The following BAZ1B variants were observed in gnomAD, a reference collection of about 807,000 sequenced individuals.
BAZ1B encodes the protein bromodomain adjacent to zinc finger domain 1B.
In BAZ1B, 22 loss-of-function variants were observed where a neutral mutation model predicts 153.8. That is an observed-to-expected ratio of 0.14 (90% CI 0.10 to 0.20). The LOEUF is 0.20. Among genes scored for constraint, BAZ1B ranks in the 10% least tolerant of loss-of-function variants. The pLI is 1.00. For missense variants in BAZ1B, 1,325 were observed against 1,799.3 expected (o/e 0.74, Z 4.77); for synonymous variants, 676 against 633.4 (o/e 1.07, Z -1.01).
intron 6 of BAZ1B, among the ~76,000 whole-genome samples, chr7:73,481,473 C>T (rs969745946): frequency 3.4e-5 from 5 of 147,540 alleles, no homozygotes; most frequent in Non-Finnish European, 7.5e-5. Flanking sequence ...GCCGAGATGG[C>T]GCCACTGCAC....
At position 73,504,911 on chromosome 7, in the gene BAZ1B, G is replaced by A. The variant is rs1388568566; in HGVS notation, c.369+3416C>T. On this transcript the variant is annotated intron_variant, in intron 3 of 19. Transcript: ENST00000339594. The stretch of plus-strand genomic sequence containing the variant: ...AAAAGAACTAGCTAGGAGATAGAAA[G>A]GAGTCAGAGTAAATTATTGAAACAA... Among the ~76,000 whole-genome samples the A allele has an allele frequency of 3.9e-5, 6 of 152,248 alleles. No homozygotes were observed. The East Asian group carries it at 9.7e-4, about 25-fold the overall frequency.
chr7:73,512,802 A>G (rs1790642063), intron 1 of BAZ1B, among the ~76,000 whole-genome samples: 1 of 152,222 alleles, frequency 6.6e-6, no homozygotes, highest in African/African-American at 2.4e-5. Context: ...TTTCCTCTAC[A>G]ATACTATCTA....
chr7:73,472,541 G>A (rs1554572153), intron 7 of BAZ1B, among the ~76,000 whole-genome samples: 1 of 152,208 alleles, frequency 6.6e-6, no homozygotes, highest in East Asian at 1.9e-4. Flanking sequence ...TGTAGGTGTT[G>A]AGCCACTGCG....
At chr7:73,508,674 T>C (rs183316160) in intron 2 of BAZ1B, among the ~76,000 whole-genome samples, 1 of 152,292 alleles carries the variant, frequency 6.6e-6, no homozygotes, top group African/African-American at 2.4e-5. Flanking sequence ...ACCTCTCAGG[T>C]AGCTGGGACC....
rs540336082 is a variant in BAZ1B at position 73,447,090 on chromosome 7, C to T, written c.3844+174G>A. Among the ~76,000 whole-genome samples the T allele has an allele frequency of 1.1e-4, 16 of 152,282 alleles. No homozygotes were observed. In the South Asian group the frequency reaches 2.1e-3, roughly 20 times the overall value. Reference sequence around the variant, plus strand: ...CTCTCCCACCAGGCAGGAAGTTAAACGCCATCTTGGAAACCCATTTAAACC... The same window carrying T: ...CTCTCCCACCAGGCAGGAAGTTAAATGCCATCTTGGAAACCCATTTAAACC... On this transcript the variant is annotated intron_variant, in intron 16 of 19. Coordinates refer to ENST00000339594, the MANE Select transcript of BAZ1B (RefSeq NM_032408.4).
intron 13 of BAZ1B, among the ~76,000 whole-genome samples, chr7:73,453,873 G>T (rs1554568994): frequency 6.6e-6 from 1 of 152,074 alleles, no homozygotes; most frequent in Non-Finnish European, 1.5e-5. Flanking sequence ...CAGTTACTTG[G>T]GAGGCTGAAG....
In BAZ1B at chr7:73,477,876, G is replaced by A. The variant is rs371097658; in HGVS notation, c.1585C>T (p.Leu529=). 3.1e-6 allele frequency: 5 copies of A among 1,613,912 alleles called. No homozygotes were observed. Among genetic ancestry groups the A allele is most frequent in the Non-Finnish European group, 4.2e-6 (5 of 1,180,028 alleles). The change falls in exon 7 of 20, where the codon CTA becomes TTA. Residue 529 remains leucine (L), a synonymous_variant. Coordinates refer to ENST00000339594, the MANE Select transcript of BAZ1B (RefSeq NM_032408.4). This position sits in a 1 kb window ranked among gnomAD's most constrained non-coding sequence, Gnocchi z 5.6. The part of the protein sequence containing the change: ...RSLVQKRYEL[L]EHKKRWASMS... ...GAAGCCCACCTCTTTTTGTGCTCTA[G>A]AAGTTCATAGCGTTTTTGAACAAGA...
At chr7:73,481,960 AC>A (rs1411671838) in intron 6 of BAZ1B, among the ~76,000 whole-genome samples, 15 of 151,964 alleles carry the variant, frequency 9.9e-5, no homozygotes, top group African/African-American at 4.8e-5. Flanking sequence ...AATGGCGTGA[AC>A]CCGGGAGGCG....
intron 4 of BAZ1B, among the ~76,000 whole-genome samples, chr7:73,496,142 G>A (rs184244816): frequency 6.6e-6 from 1 of 152,268 alleles, no homozygotes; most frequent in East Asian, 1.9e-4. Context: ...GCAGAAGTAA[G>A]ACCACAATAA....
chr7:73,518,731 C>CA (rs1554579719), intron 1 of BAZ1B, among the ~76,000 whole-genome samples: 1 of 152,190 alleles, frequency 6.6e-6, no homozygotes, highest in Non-Finnish European at 1.5e-5. Context: ...AAAACAAAAA[C>CA]ATGCTCTAGT....
intron 3 of BAZ1B, among the ~76,000 whole-genome samples, chr7:73,500,891 A>G (rs1484863296): frequency 1.6e-5 from 2 of 126,730 alleles, no homozygotes; most frequent in African/African-American, 5.9e-5. Context: ...CTCTGTTTAT[A>G]AAAAAAAAAA....
chr7:73,476,908 T>C lies in BAZ1B; in HGVS notation c.2553A>G (p.Gln851=). 1 of 1,608,330 alleles carries C rather than the reference T, an allele frequency of 6.2e-7. No individual in the cohort carries two copies. Among genetic ancestry groups the C allele is most frequent in the South Asian group, 1.1e-5 (1 of 89,158 alleles). Residue 851 remains glutamine, a synonymous_variant, in exon 7 of 20, where the codon CAA becomes CAG. Transcript: ENST00000339594. ...AVKSRRLLAI[Q]AKKEREIQER... ...CCTGGATTTCCCGTTCCTTCTTAGC[T>C]TGAATGGCAAGCAACCTTCTGCTCT... is the stretch of plus-strand genomic sequence containing the variant.
At chr7:73,468,712 T>C (rs2116309113) in intron 9 of BAZ1B, among the ~76,000 whole-genome samples, 1 of 152,338 alleles carries the variant, frequency 6.6e-6, no homozygotes, top group South Asian at 2.1e-4. Context: ...GTATTTGCCA[T>C]GTTTCTCCTC....
At chr7:73,482,559 G>A (rs1326866698) in intron 6 of BAZ1B, among the ~76,000 whole-genome samples, 3 of 152,056 alleles carry the variant, frequency 2.0e-5, no homozygotes, top group South Asian at 2.1e-4. Flanking sequence ...ATTTTAAATA[G>A]GTATGTTTTA....
chr7:73,483,932 G>A (rs1335245721), intron 6 of BAZ1B, among the ~76,000 whole-genome samples: 2 of 152,062 alleles, frequency 1.3e-5, no homozygotes, highest in South Asian at 2.1e-4. Flanking sequence ...GAGCCACTAC[G>A]CCCAGCCATA....
chr7:73,502,937 T>C (rs1298709390), intron 3 of BAZ1B, among the ~76,000 whole-genome samples: 1 of 152,240 alleles, frequency 6.6e-6, no homozygotes, highest in Non-Finnish European at 1.5e-5. Flanking sequence ...TGTATTCTTC[T>C]GCGACTTCTT....
chr7:73,462,126 A>G (rs1286190202), intron 12 of BAZ1B, among the ~76,000 whole-genome samples: 2 of 152,230 alleles, frequency 1.3e-5, no homozygotes, highest in Non-Finnish European at 2.9e-5. Context: ...AGTCCCAGCT[A>G]CCTGGAAACC....
At chr7:73,500,998 T>C (rs1215166723) in intron 3 of BAZ1B, among the ~76,000 whole-genome samples, 1 of 151,850 alleles carries the variant, frequency 6.6e-6, no homozygotes, top group Admixed American at 6.6e-5. Flanking sequence ...GGCTCACACC[T>C]GTAATCCCAG....
In BAZ1B at chr7:73,447,320, T is replaced by C. The variant is rs1488786634; in HGVS notation, c.3788A>G (p.Glu1263Gly). 6.2e-7 allele frequency: 1 copy of C among 1,613,402 alleles called. No homozygotes were observed. The highest frequency in any genetic ancestry group is 1.3e-5 in the African/African-American group (1 of 74,896). The part of the protein sequence containing the change: ...DSEDDESDEE[E>G]EEEEEEEEEE... Reference sequence around the variant, plus strand: ...CTCCTCCTCCTCTTCTTCCTCCTCCTCCTCTTCATCACTCTCATCATCTTC... The same window carrying C: ...CTCCTCCTCCTCTTCTTCCTCCTCCCCCTCTTCATCACTCTCATCATCTTC... The change falls in exon 16 of 20, where the codon GAG becomes GGG. Residue 1263 changes from glutamate to glycine, a missense_variant. Glu to Gly is a moderately conservative substitution (Grantham distance 98). Transcript: ENST00000339594.
Sources: gnomAD v4.1 joint callset for allele counts (sites outside exome capture counted in the v4.1 genomes callset) on GRCh38, gnomAD v4.1.1 for gene constraint, Gnocchi (gnomAD v3.1) non-coding constraint, MANE v1.5 for transcripts, NCBI Gene and HGNC (gene_info 2026-07-23, HGNC 2026-07-21) for gene names.